DNMBP: variants seen among roughly 807,000 people sequenced by gnomAD.
DNMBP encodes dynamin binding protein, also known as dynamin-binding protein.
Under a neutral mutation model 150.0 loss-of-function variants are expected in DNMBP, and 87 were observed. The observed-to-expected ratio is 0.58, with a 90% CI of 0.49 to 0.69. DNMBP has a LOEUF of 0.69. Ranked by LOEUF, DNMBP falls within the 30% of genes least tolerant of loss-of-function variation. The pLI, the probability that DNMBP is intolerant of heterozygous loss-of-function variation, is 0.00. For missense variants in DNMBP, 1,774 were observed against 1,949.0 expected (o/e 0.91, Z 1.69); for synonymous variants, 711 against 750.4 (o/e 0.95, Z 0.86).
intron 4 of DNMBP, among the ~76,000 whole-genome samples, chr10:99,920,696 T>C (rs1365110793): frequency 1.3e-5 from 2 of 152,178 alleles, no homozygotes; most frequent in Non-Finnish European, 2.9e-5. Flanking sequence ...CTTCTCAGTC[T>C]TTTTTGTTTT....
At chr10:99,979,483 A>G (rs528340820) in intron 1 of DNMBP, among the ~76,000 whole-genome samples, 6 of 152,290 alleles carry the variant, frequency 3.9e-5, no homozygotes, top group African/African-American at 7.2e-5. Flanking sequence ...CTTTGCTCCA[A>G]TGATGTGTCC....
chr10:99,912,481 C>T (rs185704236), intron 4 of DNMBP, among the ~76,000 whole-genome samples: 1 of 152,252 alleles, frequency 6.6e-6, no homozygotes, highest in African/African-American at 2.4e-5. Context: ...GTGCCTTCCC[C>T]TGTGCCCCCA....
intron 4 of DNMBP, among the ~76,000 whole-genome samples, chr10:99,948,979 A>G (rs1423424593): frequency 6.7e-6 from 1 of 149,920 alleles, no homozygotes; most frequent in African/African-American, 2.5e-5. Context: ...TAAATAAATA[A>G]ATAAATAAAT....
chr10:99,949,393 T>C (rs1034538268), intron 4 of DNMBP, among the ~76,000 whole-genome samples: 1 of 152,212 alleles, frequency 6.6e-6, no homozygotes, highest in African/African-American at 2.4e-5. Context: ...CTTTAAATCT[T>C]AGGCCTTAAA....
Position 99,956,282 on chromosome 10 carries a change from T to A in DNMBP, c.1192A>T (p.Thr398Ser). ...GTAGGGTCAGATGTGGGAGAGTCTGTGGCAAGAGGCATTTCCCACTCCACG... is the reference window on the plus strand; with the variant it reads ...GTAGGGTCAGATGTGGGAGAGTCTGAGGCAAGAGGCATTTCCCACTCCACG... Reference protein sequence around the residue: ...PGVEWEMPLATDSPTSDPTEV... With the variant: ...PGVEWEMPLASDSPTSDPTEV... The change falls in exon 4 of 17, where the codon ACA (threonine) becomes TCA (serine). Residue 398 changes from threonine (T) to serine (S), a missense_variant. Thr to Ser is a moderately conservative substitution (Grantham distance 58). Transcript: ENST00000324109. The A allele has an allele frequency of 1.9e-6, 3 of 1,613,130 alleles. No homozygotes were observed. The highest frequency in any genetic ancestry group is 2.5e-6 in the Non-Finnish European group (3 of 1,179,858).
At chr10:99,929,177 T>G (rs577015546) in intron 4 of DNMBP, among the ~76,000 whole-genome samples, 1 of 151,912 alleles carries the variant, frequency 6.6e-6, no homozygotes, top group East Asian at 1.9e-4. Flanking sequence ...AAGTCAAGTC[T>G]TCTTTTCCAT....
chr10:99,877,104 C>CGTGTCATTAAAAA lies in DNMBP; in HGVS notation c.*46_*47insTTTTTAATGACAC. 7.0e-7 allele frequency: 1 copy of CGTGTCATTAAAAA among 1,420,162 alleles called. No homozygotes were observed. Among genetic ancestry groups the CGTGTCATTAAAAA allele is most frequent in the South Asian group, 1.6e-5 (1 of 62,152 alleles). 88.0% of individuals were successfully genotyped at this position (1,420,162 alleles called of 1,614,324 possible). On this transcript the variant is annotated 3_prime_UTR_variant, in exon 17 of 17. Transcript: ENST00000324109. ...CTCGGTGGGCCGCCAGAACCCTCGG[C>CGTGTCATTAAAAA]GGACTGAAAGCAAAGGCAGCAAGGC...
At chr10:99,894,864 A>C in intron 11 of DNMBP, 82 bp downstream of exon 11, 1 of 1,109,284 alleles carries the variant, frequency 9.0e-7, no homozygotes, top group Non-Finnish European at 1.3e-6. Flanking sequence ...CTCAGCATTC[A>C]TTAAACAATA....
chr10:99,988,898 G>C (rs2133374516), intron 1 of DNMBP, among the ~76,000 whole-genome samples: 1 of 152,332 alleles, frequency 6.6e-6, no homozygotes, highest in Non-Finnish European at 1.5e-5. Context: ...CTGATCTCAA[G>C]TGATTTGTCT....
At chr10:99,914,249 C>T (rs1168426316) in intron 4 of DNMBP, among the ~76,000 whole-genome samples, 1 of 152,164 alleles carries the variant, frequency 6.6e-6, no homozygotes, top group Non-Finnish European at 1.5e-5. Flanking sequence ...GTGTTCTTTC[C>T]TAGTCCTAAA....
chr10:99,893,986 A>C (rs1394011866), intron 11 of DNMBP, among the ~76,000 whole-genome samples: 3 of 152,192 alleles, frequency 2.0e-5, no homozygotes, highest in Non-Finnish European at 4.4e-5. Flanking sequence ...AAAAAAGTTA[A>C]GGATCCCTTT....
At chr10:99,936,897 TC>T (rs2040239160) in intron 4 of DNMBP, among the ~76,000 whole-genome samples, 1 of 151,442 alleles carries the variant, frequency 6.6e-6, no homozygotes, top group Admixed American at 6.6e-5. Flanking sequence ...TGTCAAACCT[TC>T]TTTTATTTCT....
intron 1 of DNMBP, among the ~76,000 whole-genome samples, chr10:99,994,872 T>G (rs563820606): frequency 3.0e-4 from 46 of 152,260 alleles, no homozygotes; most frequent in African/African-American, 1.1e-3. Flanking sequence ...CAATCTTATC[T>G]GCCTTTGTCC....
At chr10:99,931,533 G>A (rs1348714014) in intron 4 of DNMBP, among the ~76,000 whole-genome samples, 1 of 152,168 alleles carries the variant, frequency 6.6e-6, no homozygotes, top group African/African-American at 2.4e-5. Context: ...ATGGAGTTAG[G>A]TATGCTTTCA....
At chr10:99,899,216 TAA>T (rs912228800) in intron 7 of DNMBP, among the ~76,000 whole-genome samples, 1 of 151,646 alleles carries the variant, frequency 6.6e-6, no homozygotes, top group African/African-American at 2.4e-5. Flanking sequence ...TAATAAAAAA[TAA>T]AAAAGTTAGC....
At chr10:99,922,547 C>T (rs1232734055) in intron 4 of DNMBP, among the ~76,000 whole-genome samples, 1 of 112,436 alleles carries the variant, frequency 8.9e-6, no homozygotes, top group Non-Finnish European at 1.7e-5. Context: ...AAAAAGATCT[C>T]ACTCTCTTGC....
rs2040498775 is a variant in DNMBP at position 99,956,536 on chromosome 10, T to C, written c.938A>G (p.Gln313Arg). The C allele has an allele frequency of 1.9e-6, 3 of 1,614,034 alleles. No individual in the cohort carries two copies. The Admixed American group carries it at 5.0e-5, about 27-fold the overall frequency. The change falls in exon 4 of 17, where the codon CAG becomes CGG. Residue 313 changes from glutamine to arginine, a missense_variant. Gln to Arg is a conservative substitution (Grantham distance 43). Coordinates refer to ENST00000324109, the MANE Select transcript of DNMBP (RefSeq NM_015221.4). Reference sequence around the variant, plus strand: ...CGGGATCCTGGCAAGGCTGCCTTCCTGGGGCAGAGCCATGGTTTCCTCCAC... The same window carrying C: ...CGGGATCCTGGCAAGGCTGCCTTCCCGGGGCAGAGCCATGGTTTCCTCCAC... ...TRVEETMALP[Q>R]EGSLARIPET... is the part of the protein sequence containing the mutation.
At position 99,880,181 on chromosome 10, in the gene DNMBP, G is replaced by T; in HGVS notation, c.4178C>A (p.Ser1393Tyr). ...CTTCTGGCAAGACCCCGAGGTAAAG[G>T]ATACAGCCATGCTGCTGGGGTTGAA... Reference protein sequence around the residue: ...LTFNPSSMAVSFTSGSCQKQP... With the variant: ...LTFNPSSMAVYFTSGSCQKQP... Residue 1393 changes from serine to tyrosine, a missense_variant, in exon 16 of 17, where the codon TCC becomes TAC. Physicochemically the swap from Ser to Tyr is moderately radical, Grantham distance 144. This residue lies in a region of DNMBP where 1,430 missense variants were observed against 1,492.5 expected (regional missense o/e 0.96). Coordinates refer to ENST00000324109, the MANE Select transcript of DNMBP (RefSeq NM_015221.4). The T allele has an allele frequency of 6.2e-7, 1 of 1,614,188 alleles. No individual in the cohort carries two copies.
At chr10:99,962,316 C>T (rs2040573254) in intron 3 of DNMBP, among the ~76,000 whole-genome samples, 1 of 152,120 alleles carries the variant, frequency 6.6e-6, no homozygotes, top group South Asian at 2.1e-4. Context: ...TTCCCTATCC[C>T]TTGGTCAGAA....
Sources: gnomAD v4.1 joint callset for allele counts (sites outside exome capture counted in the v4.1 genomes callset) on GRCh38, gnomAD v4.1.1 for gene constraint, gnomAD v4.1.1 regional missense constraint, MANE v1.5 for transcripts, NCBI Gene and HGNC (gene_info 2026-07-23, HGNC 2026-07-21) for gene names.